Variants in CCSER1 observed in about 807,000 individuals in gnomAD.
The protein encoded by CCSER1 is serine-rich coiled-coil domain-containing protein 1.
Under a neutral mutation model 82.0 loss-of-function variants are expected in CCSER1, and 41 were observed. The ratio of observed to expected loss-of-function variants is 0.50; its 90% CI spans 0.39 to 0.65. The LOEUF (loss-of-function observed/expected upper bound fraction) is 0.65. Among genes scored for constraint, CCSER1 ranks in the 30% least tolerant of loss-of-function variants. The pLI is 0.00. For missense variants in CCSER1, 1,119 were observed against 1,064.2 expected (o/e 1.05, Z -0.72); for synonymous variants, 414 against 383.9 (o/e 1.08, Z -0.92).
At chr4:90,341,326 C>G (rs7663699) in intron 3 of CCSER1, among the ~76,000 whole-genome samples, 102,637 of 151,902 alleles carry the variant, frequency 0.68, 36,588 homozygotes, top group African/African-American at 0.91. Context: ...AATATCTCTT[C>G]TTGTAATCAT....
chr4:91,077,175 T>C (rs1722085958), intron 9 of CCSER1, among the ~76,000 whole-genome samples: 1 of 152,094 alleles, frequency 6.6e-6, no homozygotes, highest in Non-Finnish European at 1.5e-5. Flanking sequence ...CCCCATTAAA[T>C]ACAGAGGGTA....
At chr4:90,536,031 G>GTTTTTTT (rs781671347) in intron 5 of CCSER1, among the ~76,000 whole-genome samples, 3 of 117,204 alleles carry the variant, frequency 2.6e-5, no homozygotes, top group African/African-American at 6.6e-5. Context: ...CTTTCTTTCT[G>GTTTTTTT]TTTTTTTTTT....
chr4:91,144,792 T>G (rs1729386215), intron 10 of CCSER1, among the ~76,000 whole-genome samples: 1 of 152,082 alleles, frequency 6.6e-6, no homozygotes, highest in African/African-American at 2.4e-5. Context: ...TTCATATTGA[T>G]TTCTAGTTTT....
At chr4:91,345,302 G>A (rs899436409) in intron 10 of CCSER1, among the ~76,000 whole-genome samples, 4 of 152,020 alleles carry the variant, frequency 2.6e-5, no homozygotes, top group Non-Finnish European at 2.9e-5. Context: ...CAGGAGAATC[G>A]CTTGAACCTG....
At chr4:91,055,718 A>G (rs977081012) in intron 9 of CCSER1, among the ~76,000 whole-genome samples, 1 of 150,946 alleles carries the variant, frequency 6.6e-6, no homozygotes. Context: ...ATTTCTTTGA[A>G]TATTCTCTTT....
intron 6 of CCSER1, 70 bp from the exon 7 acceptor site, chr4:90,723,844 T>C (rs750363639): frequency 6.2e-6 from 4 of 641,284 alleles, no homozygotes; most frequent in Non-Finnish European, 9.9e-6. Flanking sequence ...TTATTTATTT[T>C]TCTAAATTAT....
At chr4:90,847,514 A>C (rs1763363449) in intron 8 of CCSER1, among the ~76,000 whole-genome samples, 1 of 152,036 alleles carries the variant, frequency 6.6e-6, no homozygotes, top group South Asian at 2.1e-4. Flanking sequence ...AGTTTTTTTT[A>C]TTGAATTCTC....
chr4:91,195,878 C>A (rs1735365811), intron 10 of CCSER1, among the ~76,000 whole-genome samples: 1 of 151,896 alleles, frequency 6.6e-6, no homozygotes, highest in East Asian at 1.9e-4. Context: ...CCCTTTCTTA[C>A]AACTCTTCAT....
At chr4:91,140,944 T>G (rs559391113) in intron 10 of CCSER1, among the ~76,000 whole-genome samples, 1 of 152,236 alleles carries the variant, frequency 6.6e-6, no homozygotes, top group African/African-American at 2.4e-5. Flanking sequence ...AGGTAGTTTC[T>G]CAACCCTGGC....
intron 1 of CCSER1, among the ~76,000 whole-genome samples, chr4:90,225,292 T>A (rs1024635936): frequency 1.3e-5 from 2 of 148,560 alleles, no homozygotes; most frequent in African/African-American, 5.0e-5. Context: ...CCCAGGCTGG[T>A]CTCAGACTCC....
intron 5 of CCSER1, among the ~76,000 whole-genome samples, chr4:90,578,458 T>C (rs1176156994): frequency 6.6e-6 from 1 of 152,130 alleles, no homozygotes; most frequent in African/African-American, 2.4e-5. Flanking sequence ...CATGGCACTC[T>C]GACCCTACCT....
In CCSER1 at chr4:90,534,356, T is replaced by C. The variant is rs558652269; in HGVS notation, c.1724+66002T>C. 4.0e-3 allele frequency among the ~76,000 whole-genome samples: 615 copies of C among 152,044 alleles called. 5 individuals carry two copies. Among genetic ancestry groups the C allele is most frequent in the African/African-American group, 0.014 (567 of 41,454 alleles). ...ATGTTAGCCAGTATGGTCTTGATCT[T>C]CTGACCTCGTGATCCGCCCGCCTCG... On this transcript the variant is annotated intron_variant, in intron 5 of 10. Transcript: ENST00000509176.
At chr4:90,993,728 A>G (rs2169367) in intron 9 of CCSER1, among the ~76,000 whole-genome samples, 43,255 of 151,802 alleles carry the variant, frequency 0.28, 7,078 homozygotes, top group East Asian at 0.39. Flanking sequence ...TCCTTATAAG[A>G]GTGCTAATTC....
At chr4:91,431,997 G>A (rs1396222100) in intron 10 of CCSER1, among the ~76,000 whole-genome samples, 5 of 151,840 alleles carry the variant, frequency 3.3e-5, no homozygotes, top group Admixed American at 1.3e-4. Context: ...CTCACTTGTC[G>A]AGGGAGGGAC....
chr4:90,376,966 T>C (rs1272636591), intron 3 of CCSER1, among the ~76,000 whole-genome samples: 1 of 152,206 alleles, frequency 6.6e-6, no homozygotes, highest in African/African-American at 2.4e-5. Flanking sequence ...GCGTTTCACC[T>C]GCACCACACA....
chr4:91,052,070 T>A (rs962292752), intron 9 of CCSER1, among the ~76,000 whole-genome samples: 14 of 152,194 alleles, frequency 9.2e-5, no homozygotes, highest in Non-Finnish European at 2.9e-5. Context: ...TTATTTGAAA[T>A]AATTTTTTGA....
At chr4:90,847,274 A>G (rs1397397340) in intron 8 of CCSER1, among the ~76,000 whole-genome samples, 1 of 152,218 alleles carries the variant, frequency 6.6e-6, no homozygotes, top group Non-Finnish European at 1.5e-5. Context: ...TTTAAAGAAC[A>G]CTGGGACAGA....
At chr4:91,536,531 A>G (rs1210947111) in intron 10 of CCSER1, among the ~76,000 whole-genome samples, 1 of 151,998 alleles carries the variant, frequency 6.6e-6, no homozygotes, top group Non-Finnish European at 1.5e-5. Context: ...TTCCCCTCCA[A>G]CTTCTAATTG....
intron 7 of CCSER1, chr4:90,781,764 C>G: frequency 1.0e-6 from 1 of 965,352 alleles, no homozygotes; most frequent in African/African-American, 1.8e-5. Context: ...TCTTTTGTTA[C>G]TGAAATATTA....
Sources: allele counts gnomAD v4.1 joint callset (sites outside exome capture counted in the v4.1 genomes callset), GRCh38; gene constraint gnomAD v4.1.1; transcripts MANE v1.5; gene names NCBI Gene and HGNC (gene_info 2026-07-23, HGNC 2026-07-21).